The following KCNH1 variants were observed in gnomAD, a reference collection of about 807,000 sequenced individuals.
KCNH1 encodes the protein voltage-gated delayed rectifier potassium channel KCNH1.
In KCNH1, 27 loss-of-function variants were observed where a neutral mutation model predicts 69.2. The ratio of observed to expected loss-of-function variants is 0.39; its 90% CI spans 0.29 to 0.54. The LOEUF (loss-of-function observed/expected upper bound fraction) is 0.54. Ranked by LOEUF, KCNH1 falls within the 20% of genes least tolerant of loss-of-function variation. The probability of loss-of-function intolerance (pLI) is 0.68; values close to 1 mark genes in which losing one functional copy is unlikely to be tolerated. For synonymous variants in KCNH1, 456 were observed against 487.7 expected (o/e 0.93, Z 0.86); for missense variants, 798 against 1,261.6 (o/e 0.63, Z 5.57).
At chr1:210,692,990 G>A (rs764144341) in intron 10 of KCNH1, among the ~76,000 whole-genome samples, 3 of 152,150 alleles carry the variant, frequency 2.0e-5, no homozygotes, top group Non-Finnish European at 2.9e-5. Context: ...CGGAGGCCCT[G>A]TCCACAGCCC....
intron 7 of KCNH1, among the ~76,000 whole-genome samples, chr1:210,870,720 G>A (rs1341915223): frequency 6.6e-6 from 1 of 152,160 alleles, no homozygotes; most frequent in Non-Finnish European, 1.5e-5. Flanking sequence ...ATGAGAACTG[G>A]TTCATTACAG....
chr1:210,922,742 T>C (rs1275186346), intron 6 of KCNH1, among the ~76,000 whole-genome samples: 1 of 152,202 alleles, frequency 6.6e-6, no homozygotes, highest in Non-Finnish European at 1.5e-5. Context: ...GCATTTACAT[T>C]CTAACAGAGG....
chr1:210,960,887 G>A (rs1236466605), intron 6 of KCNH1, among the ~76,000 whole-genome samples: 1 of 152,080 alleles, frequency 6.6e-6, no homozygotes, highest in African/African-American at 2.4e-5. Flanking sequence ...GGAGAGTTCT[G>A]GTTCCTCCAT....
At chr1:210,788,571 G>C (rs1574256414) in intron 9 of KCNH1, among the ~76,000 whole-genome samples, 1 of 151,706 alleles carries the variant, frequency 6.6e-6, no homozygotes. Flanking sequence ...ACAGAATTAG[G>C]AAAGAGAACT....
intron 10 of KCNH1, among the ~76,000 whole-genome samples, chr1:210,718,767 T>C (rs1047722341): frequency 6.6e-6 from 1 of 150,924 alleles, no homozygotes; most frequent in Non-Finnish European, 1.5e-5. Context: ...TCTGACTAGC[T>C]ACATTTCAAG....
chr1:210,980,506 T>C (rs577921981), intron 6 of KCNH1, among the ~76,000 whole-genome samples: 1 of 152,246 alleles, frequency 6.6e-6, no homozygotes, highest in South Asian at 2.1e-4. Context: ...GTAAAAGCCT[T>C]TAAACTAAGA....
At chr1:210,838,496 A>G (rs1028930504) in intron 7 of KCNH1, among the ~76,000 whole-genome samples, 1 of 152,236 alleles carries the variant, frequency 6.6e-6, no homozygotes, top group African/African-American at 2.4e-5. Context: ...ACCATTCAGG[A>G]CATAGGCATG....
chr1:210,680,872 A>T lies in KCNH1; in HGVS notation c.*2409T>A, dbSNP rs1330024908. ...CTAAAGCTACATTCCCCCCAAGAAC[A>T]TGTCTGGACTTCAAAGCCTTATACC... On this transcript the variant is annotated 3_prime_UTR_variant, in exon 11 of 11. Transcript: ENST00000271751. The T allele has an allele frequency of 1.3e-5, 2 of 152,108 alleles. No homozygotes were observed. The highest frequency in any genetic ancestry group is 1.3e-4 in the Admixed American group (2 of 15,280). The allele number at this position is 152,108 out of a possible 1,614,324, so 9.4% of individuals were successfully genotyped here. A position where few individuals can be genotyped will look rare whatever the true frequency, so the allele number is the denominator to read the frequency against.
chr1:210,862,246 G>A (rs1229489569), intron 7 of KCNH1: 2 of 1,092,426 alleles, frequency 1.8e-6, no homozygotes, highest in Non-Finnish European at 2.8e-6. Flanking sequence ...TGGGTCCATG[G>A]TGCCCCGCAG....
chr1:210,812,353 T>C (rs1053688399), intron 7 of KCNH1, among the ~76,000 whole-genome samples: 2 of 152,188 alleles, frequency 1.3e-5, no homozygotes, highest in East Asian at 1.9e-4. Context: ...TCTACTACTC[T>C]TACTATCCTG....
chr1:210,769,971 T>C (rs1683719946), intron 10 of KCNH1, among the ~76,000 whole-genome samples: 1 of 152,190 alleles, frequency 6.6e-6, no homozygotes. Context: ...TTTTTCTTTT[T>C]GTTTGTTTTA....
At chr1:210,913,469 AT>A in intron 7 of KCNH1, among the ~76,000 whole-genome samples, 2 of 152,228 alleles carry the variant, frequency 1.3e-5, no homozygotes, top group East Asian at 3.9e-4. Context: ...AAATTTTCAA[AT>A]TTTTCCAAAA....
chr1:210,969,686 C>A (rs1290975142), intron 6 of KCNH1, among the ~76,000 whole-genome samples: 1 of 152,076 alleles, frequency 6.6e-6, no homozygotes, highest in African/African-American at 2.4e-5. Context: ...TTTTGTGAGT[C>A]TTTTCAAACA....
At chr1:210,987,158 C>T (rs570015636) in intron 6 of KCNH1, among the ~76,000 whole-genome samples, 368 of 152,264 alleles carry the variant, frequency 2.4e-3, no homozygotes, top group Non-Finnish European at 4.2e-3. Flanking sequence ...GACTTCTCTG[C>T]ATTGGTTATT....
At chr1:210,843,336 C>G (rs1047823058) in intron 7 of KCNH1, among the ~76,000 whole-genome samples, 1 of 152,052 alleles carries the variant, frequency 6.6e-6, no homozygotes, top group East Asian at 1.9e-4. Flanking sequence ...CAGAAAATAG[C>G]CCCCCTGGAA....
chr1:210,760,238 TC>T (rs887680010), intron 10 of KCNH1, among the ~76,000 whole-genome samples: 3 of 151,648 alleles, frequency 2.0e-5, no homozygotes, highest in Non-Finnish European at 4.4e-5. Context: ...AGAAAAAAAA[TC>T]TTAAAGGCAG....
At chr1:210,846,904 C>T (rs1379458294) in intron 7 of KCNH1, among the ~76,000 whole-genome samples, 3 of 152,148 alleles carry the variant, frequency 2.0e-5, no homozygotes, top group African/African-American at 7.2e-5. Context: ...ACAACCCCAT[C>T]AAAAAGTGGG....
At position 210,679,253 on chromosome 1, in the gene KCNH1, C is replaced by A. The variant is rs534653113; in HGVS notation, c.*4028G>T. On this transcript the variant is annotated 3_prime_UTR_variant, in exon 11 of 11. Coordinates refer to ENST00000271751, the MANE Select transcript of KCNH1 (RefSeq NM_172362.3). Reference sequence around the variant, plus strand: ...TGATTTAGCAACAGAGGGAGGCTGTCTGGGGCATCAAGTGTGCCCTCAATG... The same window carrying A: ...TGATTTAGCAACAGAGGGAGGCTGTATGGGGCATCAAGTGTGCCCTCAATG... 1.1e-4 allele frequency: 17 copies of A among 152,286 alleles called. No individual in the cohort carries two copies. Among genetic ancestry groups the A allele is most frequent in the African/African-American group, 3.6e-4 (15 of 41,550 alleles). The allele number at this position is 152,286 out of a possible 1,614,324, so 9.4% of individuals were successfully genotyped here. A position where few individuals can be genotyped will look rare whatever the true frequency, so the allele number is the denominator to read the frequency against.
intron 6 of KCNH1, among the ~76,000 whole-genome samples, chr1:210,983,249 T>A (rs1414495580): frequency 6.6e-6 from 1 of 152,270 alleles, no homozygotes; most frequent in Non-Finnish European, 1.5e-5. Context: ...TAGTTTCTTT[T>A]GCTGTGCAGA....
Sources: allele counts gnomAD v4.1 joint callset (sites outside exome capture counted in the v4.1 genomes callset), GRCh38; gene constraint gnomAD v4.1.1; transcripts MANE v1.5; gene names NCBI Gene and HGNC (gene_info 2026-07-23, HGNC 2026-07-21).